Variants in SLC4A7 observed in about 807,000 individuals in gnomAD.
SLC4A7 encodes the protein solute carrier family 4 member 7.
In SLC4A7, 51 loss-of-function variants were observed where a neutral mutation model predicts 137.6. The ratio of observed to expected loss-of-function variants is 0.37; its 90% CI spans 0.30 to 0.47. The LOEUF (loss-of-function observed/expected upper bound fraction) is 0.47. Ranked by LOEUF, SLC4A7 falls within the 20% of genes least tolerant of loss-of-function variation. The probability of loss-of-function intolerance (pLI) is 1.00; values close to 1 mark genes in which losing one functional copy is unlikely to be tolerated. For missense variants in SLC4A7, 1,247 were observed against 1,525.4 expected (o/e 0.82, Z 3.04); for synonymous variants, 542 against 518.6 (o/e 1.05, Z -0.61).
At position 27,373,392 on chromosome 3, in the gene SLC4A7, T is replaced by C. The variant is rs2049690277; in HGVS notation, c.*3372A>G. 2.6e-5 allele frequency: 4 copies of C among 152,196 alleles called. No homozygotes were observed. The highest frequency in any genetic ancestry group is 1.3e-4 in the Admixed American group (2 of 15,278). 9.4% of individuals were successfully genotyped at this position (152,196 alleles called of 1,614,324 possible). ...CCTTAAAGTCTTTAAACTTACTTTC[T>C]AAAATAAATAATTGTTGGAATAAAC... On this transcript the variant is annotated 3_prime_UTR_variant, in exon 26 of 26. Transcript: ENST00000454389.
In SLC4A7 at chr3:27,373,735, T is replaced by C. The variant is rs1057313528; in HGVS notation, c.*3029A>G. On this transcript the variant is annotated 3_prime_UTR_variant, in exon 26 of 26. Coordinates refer to ENST00000454389, the MANE Select transcript of SLC4A7 (RefSeq NM_001321103.2). ...AGAAAAAAATTAGAAAGCTATATTATACCCACACAGAAAATTTAAGTACGT... is the reference window on the plus strand; with the variant it reads ...AGAAAAAAATTAGAAAGCTATATTACACCCACACAGAAAATTTAAGTACGT... 6.6e-6 allele frequency: 1 copy of C among 152,504 alleles called. No homozygotes were observed. The highest frequency in any genetic ancestry group is 1.5e-5 in the Non-Finnish European group (1 of 67,978). 9.4% of individuals were successfully genotyped at this position (152,504 alleles called of 1,614,324 possible).
chr3:27,456,703 G>T (rs376366631), intron 1 of SLC4A7: 3 of 1,610,454 alleles, frequency 1.9e-6, no homozygotes, highest in Admixed American at 1.7e-5. Context: ...GAAATGCCTT[G>T]TTTCTGATGA....
intron 22 of SLC4A7, among the ~76,000 whole-genome samples, 166 bp from the exon 23 acceptor site, chr3:27,386,189 T>A (rs2050927920): frequency 7.5e-6 from 1 of 133,662 alleles, no homozygotes; most frequent in Admixed American, 7.8e-5. Context: ...TTTATCTTTT[T>A]TTACTTTGTG....
At chr3:27,451,855 G>A (rs1475109430) in intron 2 of SLC4A7, among the ~76,000 whole-genome samples, 1 of 152,132 alleles carries the variant, frequency 6.6e-6, no homozygotes, top group African/African-American at 2.4e-5. Flanking sequence ...AGGAGAAACT[G>A]GGTGAAGTGT....
chr3:27,475,047 T>A (rs888959989), intron 1 of SLC4A7, among the ~76,000 whole-genome samples: 5 of 151,804 alleles, frequency 3.3e-5, no homozygotes, highest in Non-Finnish European at 7.4e-5. Context: ...GAGGTGGAGG[T>A]TGCAGTGAGC....
chr3:27,472,399 C>A (rs1457351896), intron 1 of SLC4A7, among the ~76,000 whole-genome samples: 1 of 152,094 alleles, frequency 6.6e-6, no homozygotes, highest in Admixed American at 6.5e-5. Flanking sequence ...AACAGCCTGG[C>A]CAACATGGCG....
chr3:27,453,292 C>T (rs1439643547), intron 1 of SLC4A7, among the ~76,000 whole-genome samples: 1 of 152,128 alleles, frequency 6.6e-6, no homozygotes, highest in East Asian at 1.9e-4. Flanking sequence ...TATGCCACTG[C>T]TAGAGAGAGA....
chr3:27,427,921 C>T (rs1480080741), intron 7 of SLC4A7, among the ~76,000 whole-genome samples: 2 of 152,100 alleles, frequency 1.3e-5, no homozygotes, highest in Non-Finnish European at 2.9e-5. Flanking sequence ...TTAACACGGC[C>T]TAAGAAGCCA....
rs765311056 is a variant in SLC4A7, at chr3:27,431,477, C to T, written c.971G>A (p.Ser324Asn). Residue 324 changes from serine to asparagine, a missense_variant, in exon 7 of 26, where the codon AGC (serine) becomes AAC (asparagine). Coordinates refer to ENST00000454389, the MANE Select transcript of SLC4A7 (RefSeq NM_001321103.2). ...ACTTCTGGAGGTCAGGCGGCTGATG[C>T]TAGGGCTAGAAGGAGGACTGTTTTG... The part of the protein sequence containing the change: ...TPQNSPPSSP[S>N]ISRLTSRSSQ... 1 of 1,613,870 alleles carries T rather than the reference C, an allele frequency of 6.2e-7. No homozygotes were observed. Among genetic ancestry groups the T allele is most frequent in the Non-Finnish European group, 8.5e-7 (1 of 1,179,948 alleles).
chr3:27,427,375 A>C (rs2055750958), intron 7 of SLC4A7, among the ~76,000 whole-genome samples: 1 of 151,814 alleles, frequency 6.6e-6, no homozygotes, highest in Non-Finnish European at 1.5e-5. Flanking sequence ...CCTGGCCTCA[A>C]GTGATCCTCC....
chr3:27,433,966 A>C lies in SLC4A7; in HGVS notation c.728T>G (p.Phe243Cys). The C allele has an allele frequency of 6.2e-7, 1 of 1,613,956 alleles. No individual in the cohort carries two copies. The highest frequency in any genetic ancestry group is 1.7e-5 in the Admixed American group (1 of 60,016). ...FTSRIPLVRS[F>C]ADIGKKHSDP... ...AGAATGTTTCTTGCCTATATCTGCA[A>C]AAGATCGAACAAGAGGAATCCGACT... The change falls in exon 6 of 26, where the codon TTT (phenylalanine) becomes TGT (cysteine). Residue 243 changes from phenylalanine to cysteine, a missense_variant. Transcript: ENST00000454389.
At chr3:27,401,439 G>C (rs1416672448) in intron 15 of SLC4A7, among the ~76,000 whole-genome samples, 1 of 152,148 alleles carries the variant, frequency 6.6e-6, no homozygotes, top group Non-Finnish European at 1.5e-5. Flanking sequence ...ACTACCTAAA[G>C]CTAGAACACA....
chr3:27,395,750 A>G (rs187525031), intron 18 of SLC4A7, among the ~76,000 whole-genome samples: 159 of 152,346 alleles, frequency 1.0e-3, no homozygotes, highest in African/African-American at 3.7e-3. Flanking sequence ...CTGTTATTCA[A>G]AAGTTTGTTA....
Position 27,478,511 on chromosome 3 carries a change from CAA to C in SLC4A7, c.60+5554_60+5555del, listed in dbSNP as rs34313327. The stretch of plus-strand genomic sequence containing the variant: ...CCTGGGCAAAAGAGCGAGACTGCCT[CAA>C]AAAAAAAAAAAAAAAAACCCAACAA... On this transcript the variant is annotated intron_variant, in intron 1 of 25. Transcript: ENST00000454389. Among the ~76,000 whole-genome samples the C allele has an allele frequency of 3.6e-3, 306 of 86,114 alleles. 2 individuals are homozygous for C. Among genetic ancestry groups the C allele is most frequent in the African/African-American group, 0.011 (286 of 25,248 alleles). 56.5% of individuals were successfully genotyped at this position (86,114 alleles called of 152,430 possible). A position where few individuals can be genotyped will look rare whatever the true frequency, so the allele number is the denominator to read the frequency against.
In SLC4A7 at chr3:27,452,497, C is replaced by T. The variant is rs200701789; in HGVS notation, c.62G>A (p.Gly21Asp). Residue 21 changes from glycine (G) to aspartate (D), a missense_variant and splice_region_variant, in exon 2 of 26, where the codon GGT (glycine) becomes GAT (aspartate). Physicochemically the swap from Gly to Asp is moderately conservative, Grantham distance 94. This residue lies in a region of SLC4A7 where 176 missense variants were observed against 186.4 expected (regional missense o/e 0.94). Coordinates refer to ENST00000454389, the MANE Select transcript of SLC4A7 (RefSeq NM_001321103.2). Reference protein sequence around the residue: ...RPLLTRVTSRGPDEEAVVDLG... With the variant: ...RPLLTRVTSRDPDEEAVVDLG... ...ATCCACAACAGCTTCTTCATCAGGACCCTAAAAACAAATTATTCTCATTGA... is the reference window on the plus strand; with the variant it reads ...ATCCACAACAGCTTCTTCATCAGGATCCTAAAAACAAATTATTCTCATTGA... 99 of 1,598,858 alleles carry T rather than the reference C, an allele frequency of 6.2e-5. No homozygotes were observed. Among genetic ancestry groups the T allele is most frequent in the Non-Finnish European group, 8.1e-5 (95 of 1,175,524 alleles).
chr3:27,388,975 A>G (rs1374428794), intron 22 of SLC4A7, among the ~76,000 whole-genome samples: 1 of 152,094 alleles, frequency 6.6e-6, no homozygotes, highest in Non-Finnish European at 1.5e-5. Context: ...TATTTTCATC[A>G]AGTCCCTTGA....
intron 3 of SLC4A7, among the ~76,000 whole-genome samples, chr3:27,446,773 C>G (rs2057668599): frequency 6.6e-6 from 1 of 151,562 alleles, no homozygotes; most frequent in African/African-American, 2.4e-5. Flanking sequence ...TGACCCTTTC[C>G]AAATTCAGTG....
chr3:27,440,213 T>C lies in SLC4A7; in HGVS notation c.290-2687A>G, dbSNP rs1170080160. On this transcript the variant is annotated intron_variant, in intron 3 of 25. Coordinates refer to ENST00000454389, the MANE Select transcript of SLC4A7 (RefSeq NM_001321103.2). ...AAATCACGGTGTTGGCAGGGCTGGT[T>C]CCTTCTGGAGGCTCTAGGAAAATCA... Among the ~76,000 whole-genome samples, 3 of 152,176 alleles carry C rather than the reference T, an allele frequency of 2.0e-5. No homozygotes were observed. In the East Asian group the frequency reaches 5.8e-4, roughly 29 times the overall value.
intron 1 of SLC4A7, among the ~76,000 whole-genome samples, chr3:27,474,654 C>A (rs562375703): frequency 6.6e-6 from 1 of 151,900 alleles, no homozygotes; most frequent in Non-Finnish European, 1.5e-5. Context: ...AATGAGATCA[C>A]GCCATTGCAC....
Sources: allele counts gnomAD v4.1 joint callset (sites outside exome capture counted in the v4.1 genomes callset), GRCh38; gene constraint gnomAD v4.1.1; regional missense constraint gnomAD v4.1.1; transcripts MANE v1.5; gene names NCBI Gene and HGNC (gene_info 2026-07-23, HGNC 2026-07-21).